CD2: variants seen among roughly 807,000 people sequenced by gnomAD.
CD2 encodes the protein T-cell surface antigen CD2.
CD2 carries 18 observed loss-of-function variants against 23.2 expected under a neutral mutation model. That is an observed-to-expected ratio of 0.77 (90% CI 0.54 to 1.15). CD2 has a LOEUF of 1.15. Ranked by LOEUF, CD2 falls within the 50% of genes most tolerant of loss-of-function variation. The pLI, the probability that CD2 is intolerant of heterozygous loss-of-function variation, is 0.00. For missense variants in CD2, 424 were observed against 423.1 expected (o/e 1.00, Z -0.02); for synonymous variants, 162 against 151.9 (o/e 1.07, Z -0.49).
At chr1:116,759,217 G>A (rs965161965) in intron 2 of CD2, among the ~76,000 whole-genome samples, 24 of 152,180 alleles carry the variant, frequency 1.6e-4, no homozygotes, top group Non-Finnish European at 3.1e-4. Context: ...ATCTTGGGAT[G>A]AGAAGAAAAC....
At chr1:116,763,076 C>T (rs1652107882) in intron 3 of CD2, among the ~76,000 whole-genome samples, 3 of 152,232 alleles carry the variant, frequency 2.0e-5, no homozygotes, top group Non-Finnish European at 2.9e-5. Context: ...GCCCCTCGTC[C>T]AAGCCAGCAG....
At chr1:116,763,953 G>C (rs570507608) in intron 3 of CD2, among the ~76,000 whole-genome samples, 14 of 152,108 alleles carry the variant, frequency 9.2e-5, no homozygotes, top group Non-Finnish European at 1.6e-4. Flanking sequence ...TTTACCCTGA[G>C]TGTTTGGAAA....
intron 2 of CD2, among the ~76,000 whole-genome samples, chr1:116,756,671 T>C (rs1320992927): frequency 1.3e-5 from 2 of 152,166 alleles, no homozygotes; most frequent in African/African-American, 4.8e-5. Context: ...TTTGTAACCA[T>C]CACCACAATC....
At chr1:116,764,631 C>A (rs746798324) in intron 4 of CD2, 25 bp downstream of exon 4, 2 of 1,583,310 alleles carry the variant, frequency 1.3e-6, no homozygotes, top group African/African-American at 2.7e-5. Context: ...TTTTGTCCCA[C>A]CGCAGGCCCC....
At chr1:116,756,264 C>T (rs979355840) in intron 2 of CD2, among the ~76,000 whole-genome samples, 1 of 152,188 alleles carries the variant, frequency 6.6e-6, no homozygotes, top group South Asian at 2.1e-4. Flanking sequence ...GGACTCCAAA[C>T]AGCACAAAAC....
At chr1:116,756,565 G>A (rs950814890) in intron 2 of CD2, among the ~76,000 whole-genome samples, 6 of 151,998 alleles carry the variant, frequency 3.9e-5, no homozygotes, top group African/African-American at 2.4e-5. Flanking sequence ...CAAGAATGAC[G>A]ACCTTTTCTT....
chr1:116,768,442 T>C (rs769448924), intron 4 of CD2, 22 bp from the exon 5 acceptor site: 1 of 1,609,056 alleles, frequency 6.2e-7, no homozygotes, highest in Non-Finnish European at 8.5e-7. Context: ...AGATGAACTC[T>C]ATTGAGGTTT....
rs747762730 is a variant in CD2 at position 116,768,718 on chromosome 1, C to T, written c.991C>T (p.Pro331Ser). ...GCAGAAAGGCCCGCCCCTCCCCAGA[C>T]CTCGAGTTCAGCCAAAACCTCCCCA... is the stretch of plus-strand genomic sequence containing the variant. ...HQQKGPPLPR[P>S]RVQPKPPHGA... The change falls in exon 5 of 5, where the codon CCT becomes TCT. Residue 331 changes from proline to serine, a missense_variant. Physicochemically the swap from Pro to Ser is moderately conservative, Grantham distance 74. Transcript: ENST00000369478. 6.2e-7 allele frequency: 1 copy of T among 1,614,162 alleles called. No individual in the cohort carries two copies. Among genetic ancestry groups the T allele is most frequent in the East Asian group, 2.2e-5 (1 of 44,872 alleles).
At chr1:116,764,722 T>C (rs1397181472) in intron 4 of CD2, 116 bp downstream of exon 4, 4 of 798,762 alleles carry the variant, frequency 5.0e-6, no homozygotes, top group Non-Finnish European at 8.4e-6. Context: ...AGTTTCGGAA[T>C]GTCAGGGTTG....
intron 4 of CD2, among the ~76,000 whole-genome samples, chr1:116,768,205 C>T (rs1652274267): frequency 6.6e-6 from 1 of 152,150 alleles, no homozygotes; most frequent in African/African-American, 2.4e-5. Context: ...ATGGGAGCCC[C>T]AGGCACAAAG....
chr1:116,760,760 T>C (rs754114644), intron 3 of CD2, 128 bp downstream of exon 3: 1 of 703,868 alleles, frequency 1.4e-6, no homozygotes, highest in Non-Finnish European at 2.5e-6. Flanking sequence ...TGAAAGCATA[T>C]CTCTTCCTCC....
At chr1:116,755,325 G>A (rs1045604327) in intron 2 of CD2, among the ~76,000 whole-genome samples, 2 of 152,246 alleles carry the variant, frequency 1.3e-5, no homozygotes, top group African/African-American at 4.8e-5. Context: ...AGAAGAGGCT[G>A]ACTGGAGAGC....
chr1:116,754,534 T>G lies in CD2; in HGVS notation c.42T>G (p.Ile14Met). 6.2e-7 allele frequency: 1 copy of G among 1,614,036 alleles called. No individual in the cohort carries two copies. The highest frequency in any genetic ancestry group is 8.5e-7 in the Non-Finnish European group (1 of 1,180,006). ...AATTTGTAGCCAGCTTCCTTCTGAT[T>G]TTCAATGTTTCTTCCAAAGGTAAGC... Reference protein sequence around the residue: ...PCKFVASFLLIFNVSSKGAVS... With the variant: ...PCKFVASFLLMFNVSSKGAVS... Residue 14 changes from isoleucine (I) to methionine (M), a missense_variant, in exon 1 of 5, where the codon ATT (isoleucine) becomes ATG (methionine). Coordinates refer to ENST00000369478, the MANE Select transcript of CD2 (RefSeq NM_001767.5).
chr1:116,760,390 CT>C lies in CD2; in HGVS notation c.383-9del, dbSNP rs747381720. ...TTGCCTAAATTGAACTGAATCTTTA[CT>C]TTCTTTTTAGAGAGGGTCTCAAAAC... is the stretch of plus-strand genomic sequence containing the variant. On this transcript the variant is annotated splice_polypyrimidine_tract_variant and intron_variant, in intron 2 of 4. Transcript: ENST00000369478. 62 of 1,607,358 alleles carry C rather than the reference CT, an allele frequency of 3.9e-5. No homozygotes were observed. Among genetic ancestry groups the C allele is most frequent in the Non-Finnish European group, 5.2e-5 (61 of 1,174,734 alleles).
chr1:116,768,857 C>T lies in CD2; in HGVS notation c.*74C>T, dbSNP rs1027353222. The T allele has an allele frequency of 7.1e-6, 10 of 1,404,444 alleles. No homozygotes were observed. The East Asian group carries it at 1.8e-4, about 26-fold the overall frequency. 87.0% of individuals were successfully genotyped at this position (1,404,444 alleles called of 1,614,324 possible). A position where few individuals can be genotyped will look rare whatever the true frequency, so the allele number is the denominator to read the frequency against. On this transcript the variant is annotated 3_prime_UTR_variant, in exon 5 of 5. Transcript: ENST00000369478. ...CCTCCTGATGTGCATATCCGTACTT[C>T]CATGAGGTGTTTTCTGTGTGCAGAA...
rs376823879 is a variant in CD2, at chr1:116,760,403, G to A, written c.384G>A (p.Glu128=). The change falls in exon 3 of 5, where the codon GAG becomes GAA. Residue 128 remains glutamate, a splice_region_variant and synonymous_variant. Coordinates refer to ENST00000369478, the MANE Select transcript of CD2 (RefSeq NM_001767.5). ...LEKIFDLKIQ[E]RVSKPKISWT... is the part of the protein sequence containing the mutation. ...ACTGAATCTTTACTTTCTTTTTAGA[G>A]AGGGTCTCAAAACCAAAGATCTCCT... 1.4e-5 allele frequency: 22 copies of A among 1,611,886 alleles called. No individual in the cohort carries two copies. The Admixed American group carries it at 1.8e-4, about 13-fold the overall frequency.
intron 3 of CD2, among the ~76,000 whole-genome samples, chr1:116,761,372 T>C (rs1240831315): frequency 1.3e-5 from 2 of 152,110 alleles, no homozygotes; most frequent in Non-Finnish European, 2.9e-5. Context: ...TTTCTTCCCC[T>C]CTCTAGGCTT....
chr1:116,761,175 G>A (rs1264310028), intron 3 of CD2, among the ~76,000 whole-genome samples: 2 of 152,160 alleles, frequency 1.3e-5, no homozygotes, highest in Non-Finnish European at 2.9e-5. Context: ...GGCAAGGCTT[G>A]GGGACTAGCT....
At chr1:116,762,389 T>A (rs1284294854) in intron 3 of CD2, among the ~76,000 whole-genome samples, 2 of 152,130 alleles carry the variant, frequency 1.3e-5, no homozygotes, top group Non-Finnish European at 2.9e-5. Flanking sequence ...AGCCAAGGTT[T>A]GAAGGCTGGA....
Sources: allele counts gnomAD v4.1 joint callset (sites outside exome capture counted in the v4.1 genomes callset), GRCh38; gene constraint gnomAD v4.1.1; transcripts MANE v1.5; gene names NCBI Gene and HGNC (gene_info 2026-07-23, HGNC 2026-07-21).